The following TSPEAR variants were observed in gnomAD, a reference collection of about 807,000 sequenced individuals.
TSPEAR encodes the protein thrombospondin type laminin G domain and EAR repeats.
Under a neutral mutation model 71.6 loss-of-function variants are expected in TSPEAR, and 69 were observed. The ratio of observed to expected loss-of-function variants is 0.96; its 90% CI spans 0.79 to 1.18. The LOEUF is 1.18. TSPEAR is among the 50% of genes most tolerant of loss of function. TSPEAR has a pLI of 0.00. For missense variants in TSPEAR, 971 were observed against 894.9 expected (o/e 1.09, Z -1.09); for synonymous variants, 402 against 387.2 (o/e 1.04, Z -0.45).
At chr21:44,549,370 G>A (rs1484989002) in intron 2 of TSPEAR, among the ~76,000 whole-genome samples, 6 of 152,196 alleles carry the variant, frequency 3.9e-5, no homozygotes, top group Non-Finnish European at 8.8e-5. Context: ...AAGAGGTATC[G>A]TTTGTAATAA....
chr21:44,527,070 T>G (rs2052870779), intron 7 of TSPEAR, among the ~76,000 whole-genome samples: 1 of 152,218 alleles, frequency 6.6e-6, no homozygotes, highest in South Asian at 2.1e-4. Flanking sequence ...GGAAATGGTC[T>G]GGTCGTCCGT....
intron 2 of TSPEAR, among the ~76,000 whole-genome samples, chr21:44,562,758 TATC>T (rs2053655661): frequency 6.6e-6 from 1 of 152,200 alleles, no homozygotes; most frequent in Admixed American, 6.5e-5. Context: ...AAGAATTCTA[TATC>T]CAACAAAGTT....
At chr21:44,665,059 C>T (rs1332408395) in intron 1 of TSPEAR, among the ~76,000 whole-genome samples, 3 of 152,172 alleles carry the variant, frequency 2.0e-5, no homozygotes, top group African/African-American at 7.2e-5. Flanking sequence ...GTATAGTGCA[C>T]ACATTGGGTG....
intron 1 of TSPEAR, chr21:44,646,308 G>A: frequency 8.9e-7 from 1 of 1,127,508 alleles, no homozygotes; most frequent in Non-Finnish European, 1.3e-6. Context: ...CACCAACAAG[G>A]AAGAAAAGCT....
In TSPEAR at chr21:44,711,572, T is replaced by A. The variant is rs1555953666; in HGVS notation, c.-58A>T. On this transcript the variant is annotated 5_prime_UTR_variant, in exon 1 of 12. Transcript: ENST00000323084. The surrounding 1 kb of genome is among the most constrained non-coding windows in gnomAD (Gnocchi z 4.5). Reference sequence around the variant, plus strand: ...TCCGCTCAGCCTGCAGGGAAGTGGCTGCTCCTCAGACGTCTGCGTCAGCCT... The same window carrying A: ...TCCGCTCAGCCTGCAGGGAAGTGGCAGCTCCTCAGACGTCTGCGTCAGCCT... 1 of 1,547,956 alleles carries A rather than the reference T, an allele frequency of 6.5e-7. No individual in the cohort carries two copies. The highest frequency in any genetic ancestry group is 8.8e-7 in the Non-Finnish European group (1 of 1,138,582).
intron 1 of TSPEAR, among the ~76,000 whole-genome samples, chr21:44,582,831 C>T (rs1354916804): frequency 6.8e-4 from 35 of 51,436 alleles, no homozygotes; most frequent in African/African-American, 2.1e-3. Flanking sequence ...TCTTTTCTTC[C>T]TTCTTTCTTT....
intron 1 of TSPEAR, among the ~76,000 whole-genome samples, chr21:44,648,459 G>A (rs903843422): frequency 7.9e-5 from 12 of 152,314 alleles, no homozygotes; most frequent in Middle Eastern, 3.4e-3. Flanking sequence ...TATTCAACCC[G>A]TGTCCGTTAC....
At chr21:44,588,777 A>ATG (rs1168276509) in intron 1 of TSPEAR, among the ~76,000 whole-genome samples, 359 of 108,868 alleles carry the variant, frequency 3.3e-3, no homozygotes, top group Non-Finnish European at 6.1e-3. Context: ...ATATATATGT[A>ATG]TGTGTGTGTG....
chr21:44,645,439 C>T (rs1389541821), intron 1 of TSPEAR, among the ~76,000 whole-genome samples: 3 of 151,524 alleles, frequency 2.0e-5, no homozygotes, highest in Non-Finnish European at 4.4e-5. Flanking sequence ...TCACTGCAAC[C>T]TCCACCTCCT....
At chr21:44,548,078 T>C (rs145605964) in intron 2 of TSPEAR, among the ~76,000 whole-genome samples, 1 of 152,384 alleles carries the variant, frequency 6.6e-6, no homozygotes, top group East Asian at 1.9e-4. Context: ...GACTGTTTAA[T>C]GTTCTGACAA....
intron 2 of TSPEAR, among the ~76,000 whole-genome samples, chr21:44,550,109 T>C (rs2053379560): frequency 6.6e-6 from 1 of 152,250 alleles, no homozygotes; most frequent in Non-Finnish European, 1.5e-5. Flanking sequence ...GGCGTTGGCC[T>C]GAGTCATGTG....
At chr21:44,689,299 G>A (rs1601568928) in intron 1 of TSPEAR, among the ~76,000 whole-genome samples, 1 of 152,058 alleles carries the variant, frequency 6.6e-6, no homozygotes, top group Admixed American at 6.5e-5. Context: ...TCAGGAGATC[G>A]AGACCATCCT....
chr21:44,648,542 C>T (rs587751753), intron 1 of TSPEAR, among the ~76,000 whole-genome samples: 30 of 152,296 alleles, frequency 2.0e-4, no homozygotes, highest in African/African-American at 7.0e-4. Context: ...ATGGACCTTT[C>T]ATAGCACAAA....
Position 44,525,754 on chromosome 21 carries a change from T to G in TSPEAR, c.1235A>C (p.Lys412Thr), listed in dbSNP as rs781920640. The change falls in exon 8 of 12, where the codon AAG (lysine) becomes ACG (threonine). Residue 412 changes from lysine to threonine, a missense_variant. Transcript: ENST00000323084. ...GGCAATGCTCTGATATGGGGTAAAC[T>G]TCAGCTTTCTGTGGCTCCATTTGTA... Reference protein sequence around the residue: ...VIYKWSHRKLKFTPYQSIATH... With the variant: ...VIYKWSHRKLTFTPYQSIATH... 2 of 1,614,042 alleles carry G rather than the reference T, an allele frequency of 1.2e-6. No individual in the cohort carries two copies. Among genetic ancestry groups the G allele is most frequent in the African/African-American group, 2.7e-5 (2 of 74,892 alleles).
chr21:44,580,351 C>A (rs368543649), intron 1 of TSPEAR: 3 of 1,613,700 alleles, frequency 1.9e-6, no homozygotes, highest in Non-Finnish European at 2.5e-6. Flanking sequence ...CGCAGCAAGC[C>A]GGCTGGCAGC....
chr21:44,570,893 G>T (rs1555922435), intron 1 of TSPEAR, among the ~76,000 whole-genome samples: 1 of 152,166 alleles, frequency 6.6e-6, no homozygotes, highest in East Asian at 1.9e-4. Flanking sequence ...CAAAACCTCA[G>T]ATAATGTGGA....
intron 1 of TSPEAR, among the ~76,000 whole-genome samples, chr21:44,600,281 C>T (rs963546560): frequency 6.6e-6 from 1 of 151,902 alleles, no homozygotes; most frequent in Non-Finnish European, 1.5e-5. Context: ...CAGCACAGGC[C>T]CCTGGGACAC....
At chr21:44,638,636 T>C (rs187686194) in intron 1 of TSPEAR, among the ~76,000 whole-genome samples, 3,178 of 146,438 alleles carry the variant, frequency 0.022, 58 homozygotes, top group African/African-American at 0.078. Context: ...AGCAATGCCT[T>C]CTGGTGCTGG....
intron 1 of TSPEAR, among the ~76,000 whole-genome samples, chr21:44,641,467 A>G (rs781895210): frequency 3.3e-5 from 5 of 152,194 alleles, no homozygotes; most frequent in Non-Finnish European, 5.9e-5. Context: ...ATGCAGAAGG[A>G]CAGAGATAAA....
Sources: gnomAD v4.1 joint callset for allele counts (sites outside exome capture counted in the v4.1 genomes callset) on GRCh38, gnomAD v4.1.1 for gene constraint, Gnocchi (gnomAD v3.1) non-coding constraint, MANE v1.5 for transcripts, NCBI Gene and HGNC (gene_info 2026-07-23, HGNC 2026-07-21) for gene names.